Variants in ERC2 observed in about 807,000 individuals in gnomAD.
ERC2 encodes ELKS/RAB6-interacting/CAST family member 2, also known as ERC protein 2.
ERC2 carries 42 observed loss-of-function variants against 114.8 expected under a neutral mutation model. The observed-to-expected ratio is 0.37, with a 90% CI of 0.29 to 0.47. The LOEUF is 0.47. ERC2 is among the 20% of genes least tolerant of loss of function. ERC2 has a pLI of 0.99. For missense variants in ERC2, 939 were observed against 1,150.7 expected, an observed-to-expected ratio of 0.82 and a Z score of 2.66; for synonymous variants, 454 against 425.5, an observed-to-expected ratio of 1.07 and a Z score of -0.82.
chr3:56,256,819 T>A (rs1442690004), intron 3 of ERC2, among the ~76,000 whole-genome samples: 1 of 152,156 alleles, frequency 6.6e-6, no homozygotes, highest in African/African-American at 2.4e-5. Context: ...TTTCTCTCTC[T>A]CCTGCCGCCT....
intron 17 of ERC2, among the ~76,000 whole-genome samples, chr3:55,669,037 T>A (rs993465263): frequency 3.3e-5 from 5 of 152,224 alleles, no homozygotes; most frequent in African/African-American, 1.2e-4. Context: ...TCTGAATAAT[T>A]TGTAGGCAGG....
At chr3:55,885,352 G>A (rs993249519) in intron 14 of ERC2, among the ~76,000 whole-genome samples, 8 of 152,206 alleles carry the variant, frequency 5.3e-5, no homozygotes, top group African/African-American at 1.7e-4. Context: ...CCAAGAGGCT[G>A]GTGCCTCTAG....
intron 10 of ERC2, among the ~76,000 whole-genome samples, chr3:56,003,858 G>A (rs2072267246): frequency 6.6e-6 from 1 of 152,050 alleles, no homozygotes; most frequent in Admixed American, 6.6e-5. Flanking sequence ...TTGTGTTGAA[G>A]ATTTAAATTT....
chr3:56,010,397 A>G (rs2072825478), intron 9 of ERC2, 52 bp downstream of exon 9: 1 of 1,585,282 alleles, frequency 6.3e-7, no homozygotes, highest in Non-Finnish European at 8.6e-7. Flanking sequence ...GCTTCATTGA[A>G]TATGGGTTTA....
chr3:55,904,087 G>T (rs1412853414), intron 13 of ERC2, among the ~76,000 whole-genome samples: 1 of 152,208 alleles, frequency 6.6e-6, no homozygotes, highest in East Asian at 1.9e-4. Context: ...CCTTGCCTAT[G>T]AGACATTTTC....
intron 7 of ERC2, among the ~76,000 whole-genome samples, chr3:56,034,106 T>C (rs190057261): frequency 2.6e-5 from 4 of 152,294 alleles, no homozygotes; most frequent in African/African-American, 7.2e-5. Flanking sequence ...AAAGGACACA[T>C]ATAGGCTGAA....
chr3:56,460,080 A>G (rs949170171), intron 1 of ERC2, among the ~76,000 whole-genome samples: 2 of 152,248 alleles, frequency 1.3e-5, no homozygotes, highest in Admixed American at 1.3e-4. Flanking sequence ...CTGGCCCAAG[A>G]GAAGGGTAAC....
intron 6 of ERC2, among the ~76,000 whole-genome samples, chr3:56,083,874 C>T (rs1426836451): frequency 1.3e-5 from 2 of 150,026 alleles, no homozygotes; most frequent in African/African-American, 2.5e-5. Context: ...TCAAAATAAC[C>T]GAACAAGAAG....
chr3:56,213,040 G>A (rs1354758929), intron 3 of ERC2, among the ~76,000 whole-genome samples: 2 of 152,090 alleles, frequency 1.3e-5, no homozygotes, highest in Non-Finnish European at 2.9e-5. Flanking sequence ...AGGGTGGGAG[G>A]GATGTGAAGG....
intron 3 of ERC2, among the ~76,000 whole-genome samples, chr3:56,257,341 G>A (rs1010361710): frequency 2.0e-5 from 3 of 152,068 alleles, no homozygotes; most frequent in African/African-American, 2.4e-5. Flanking sequence ...AATTCTTTTG[G>A]TTTATAATAC....
intron 2 of ERC2, among the ~76,000 whole-genome samples, chr3:56,318,133 TTG>T (rs1355561154): frequency 6.6e-6 from 1 of 152,180 alleles, no homozygotes; most frequent in Non-Finnish European, 1.5e-5. Flanking sequence ...ACAAAAATAG[TTG>T]TCTTAATTTC....
chr3:56,044,751 G>A (rs578249303), intron 7 of ERC2, among the ~76,000 whole-genome samples: 6 of 152,112 alleles, frequency 3.9e-5, no homozygotes, highest in African/African-American at 7.2e-5. Flanking sequence ...GGATTAGGAC[G>A]CGGTTCATTT....
chr3:55,943,949 G>C (rs1164735429), intron 13 of ERC2, among the ~76,000 whole-genome samples: 2 of 152,092 alleles, frequency 1.3e-5, no homozygotes, highest in African/African-American at 2.4e-5. Flanking sequence ...TCTGCTTCTA[G>C]TTTTCACTGG....
At chr3:55,969,967 G>T (rs906973915) in intron 12 of ERC2, among the ~76,000 whole-genome samples, 6 of 152,108 alleles carry the variant, frequency 3.9e-5, no homozygotes, top group African/African-American at 1.2e-4. Flanking sequence ...CACACTGGTA[G>T]ACATAAAAAC....
intron 6 of ERC2, among the ~76,000 whole-genome samples, chr3:56,090,711 T>C (rs2149784357): frequency 6.6e-6 from 1 of 151,946 alleles, no homozygotes; most frequent in Non-Finnish European, 1.5e-5. Flanking sequence ...ATGGTGAGGT[T>C]TGGGTCTTCT....
At chr3:56,345,006 C>T (rs1420539515) in intron 2 of ERC2, among the ~76,000 whole-genome samples, 1 of 152,146 alleles carries the variant, frequency 6.6e-6, no homozygotes, top group Non-Finnish European at 1.5e-5. Context: ...CCAAGGCTGG[C>T]TAACTTATAA....
Position 55,670,425 on chromosome 3 carries a change from G to T in ERC2, c.*39+13369C>A, listed in dbSNP as rs546886339. Among the ~76,000 whole-genome samples, 7 of 152,330 alleles carry T rather than the reference G, an allele frequency of 4.6e-5. No homozygotes were observed. In the East Asian group the frequency reaches 9.6e-4, roughly 21 times the overall value. On this transcript the variant is annotated intron_variant, in intron 17 of 17. Coordinates refer to ENST00000288221, the MANE Select transcript of ERC2 (RefSeq NM_015576.3). Reference sequence around the variant, plus strand: ...GTCTTCACGATTCTTAAAGAAATGGGCCCATCTTCCCCTTCCCATGAGGGG... The same window carrying T: ...GTCTTCACGATTCTTAAAGAAATGGTCCCATCTTCCCCTTCCCATGAGGGG...
chr3:56,401,091 T>A (rs1411526036), intron 2 of ERC2, among the ~76,000 whole-genome samples: 1 of 152,224 alleles, frequency 6.6e-6, no homozygotes, highest in Non-Finnish European at 1.5e-5. Flanking sequence ...TCTGTGAACT[T>A]TTCTAGCTCT....
intron 7 of ERC2, among the ~76,000 whole-genome samples, chr3:56,056,672 T>C (rs1326086163): frequency 2.0e-5 from 3 of 152,164 alleles, no homozygotes; most frequent in African/African-American, 4.8e-5. Flanking sequence ...CGTTACTTAA[T>C]ACCCTCTGAG....
Sources: allele counts gnomAD v4.1 joint callset (sites outside exome capture counted in the v4.1 genomes callset), GRCh38; gene constraint gnomAD v4.1.1; transcripts MANE v1.5; gene names NCBI Gene and HGNC (gene_info 2026-07-23, HGNC 2026-07-21).